The following TBC1D19 variants were observed in gnomAD, a reference collection of about 807,000 sequenced individuals.
TBC1D19 encodes TBC1 domain family, member 19.
TBC1D19 carries 60 observed loss-of-function variants against 89.0 expected under a neutral mutation model. The ratio of observed to expected loss-of-function variants is 0.67; its 90% CI spans 0.55 to 0.84. The LOEUF (loss-of-function observed/expected upper bound fraction) is 0.84, where lower values mean the gene tolerates loss of function less well. Among genes scored for constraint, TBC1D19 ranks in the 40% least tolerant of loss-of-function variants. TBC1D19 has a pLI of 0.00. For missense variants in TBC1D19, 500 were observed against 610.8 expected (o/e 0.82, Z 1.91); for synonymous variants, 189 against 199.7 (o/e 0.95, Z 0.45).
intron 1 of TBC1D19, among the ~76,000 whole-genome samples, chr4:26,604,449 G>A (rs1740846809): frequency 1.3e-5 from 2 of 151,730 alleles, no homozygotes; most frequent in Admixed American, 1.3e-4. Flanking sequence ...ATCGCGCCCG[G>A]CCAGAATTTT....
chr4:26,761,308 A>G, the TBC1D19 span, among the ~76,000 whole-genome samples: 1 of 152,306 alleles, frequency 6.6e-6, no homozygotes, highest in Non-Finnish European at 1.5e-5. Context: ...GATATCATTA[A>G]CAATGTTGAG....
intron 7 of TBC1D19, among the ~76,000 whole-genome samples, chr4:26,640,629 GT>G (rs914224459): frequency 6.6e-6 from 1 of 152,178 alleles, no homozygotes; most frequent in African/African-American, 2.4e-5. Flanking sequence ...AGGGCAAGGG[GT>G]TGGGGGATTT....
chr4:26,802,951 T>C, the TBC1D19 span, among the ~76,000 whole-genome samples: 3 of 152,216 alleles, frequency 2.0e-5, no homozygotes, highest in Admixed American at 6.5e-5. Context: ...TGTATCCTCA[T>C]GCGGTGGAGG....
chr4:26,588,286 A>T (rs977674833), intron 1 of TBC1D19, among the ~76,000 whole-genome samples: 2 of 152,016 alleles, frequency 1.3e-5, no homozygotes, highest in Non-Finnish European at 2.9e-5. Context: ...TGGCCTCCTA[A>T]AGGGCTGGGA....
intron 13 of TBC1D19, among the ~76,000 whole-genome samples, chr4:26,708,672 C>G (rs1014213138): frequency 6.6e-6 from 1 of 151,880 alleles, no homozygotes; most frequent in Non-Finnish European, 1.5e-5. Flanking sequence ...TTTTTCCTTT[C>G]TGTTTCACAG....
the TBC1D19 span, among the ~76,000 whole-genome samples, chr4:26,793,710 G>A: frequency 7.0e-6 from 1 of 143,316 alleles, no homozygotes; most frequent in African/African-American, 2.6e-5. Context: ...GAGACAGAGT[G>A]GGACTTCGTC....
At chr4:26,818,557 C>T in the TBC1D19 span, among the ~76,000 whole-genome samples, 1 of 151,958 alleles carries the variant, frequency 6.6e-6, no homozygotes, top group African/African-American at 2.4e-5. Context: ...CGGCTGGCCT[C>T]AATGTAAAAT....
At position 26,744,384 on chromosome 4, in the gene TBC1D19, T is replaced by C. The variant is rs552697279; in HGVS notation, c.1319+1785T>C. Among the ~76,000 whole-genome samples the C allele has an allele frequency of 5.3e-5, 8 of 151,726 alleles. No homozygotes were observed. In the East Asian group the frequency reaches 1.5e-3, roughly 29 times the overall value. On this transcript the variant is annotated intron_variant, in intron 18 of 20. Transcript: ENST00000264866. ...TTTTCTACTTTAATTTTATTTATTT[T>C]TACTCTTATATTTATTATTTTCTTC... is the stretch of plus-strand genomic sequence containing the variant.
At chr4:26,692,578 G>T (rs536430618) in intron 13 of TBC1D19, among the ~76,000 whole-genome samples, 29 of 152,342 alleles carry the variant, frequency 1.9e-4, no homozygotes, top group Non-Finnish European at 8.8e-5. Context: ...TTTAACAACA[G>T]TAACTCTGAA....
At chr4:26,765,620 G>A in the TBC1D19 span, among the ~76,000 whole-genome samples, 2 of 152,152 alleles carry the variant, frequency 1.3e-5, no homozygotes, top group African/African-American at 2.4e-5. Flanking sequence ...AGAGGTGACT[G>A]AGCAATAAAC....
chr4:26,625,593 A>G (rs1457982075), intron 4 of TBC1D19, among the ~76,000 whole-genome samples: 3 of 152,154 alleles, frequency 2.0e-5, no homozygotes, highest in African/African-American at 7.2e-5. Flanking sequence ...CTCATCCAGG[A>G]CACTACATTA....
intron 1 of TBC1D19, among the ~76,000 whole-genome samples, chr4:26,610,974 T>C (rs546462545): frequency 2.6e-5 from 4 of 152,272 alleles, no homozygotes; most frequent in Non-Finnish European, 4.4e-5. Context: ...GTAATTGGGA[T>C]TGCTGGGTCA....
At chr4:26,734,999 T>C (rs1325607503) in intron 15 of TBC1D19, among the ~76,000 whole-genome samples, 1 of 139,384 alleles carries the variant, frequency 7.2e-6, no homozygotes, top group Non-Finnish European at 1.6e-5. Context: ...TATATATGTA[T>C]ACACATATGT....
the TBC1D19 span, among the ~76,000 whole-genome samples, chr4:26,810,321 G>A: frequency 6.7e-6 from 1 of 149,682 alleles, no homozygotes; most frequent in African/African-American, 2.6e-5. Flanking sequence ...TCTCAGAATC[G>A]CTTCTGTGGG....
intron 17 of TBC1D19, among the ~76,000 whole-genome samples, 197 bp from the exon 18 acceptor site, chr4:26,742,311 A>G (rs1718419467): frequency 6.6e-6 from 1 of 152,216 alleles, no homozygotes; most frequent in African/African-American, 2.4e-5. Context: ...ATGTGTGAGT[A>G]TATATAAAGA....
At chr4:26,739,841 A>G in intron 16 of TBC1D19, 23 bp from the exon 17 acceptor site, 3 of 1,381,060 alleles carry the variant, frequency 2.2e-6, no homozygotes, top group Non-Finnish European at 3.0e-6. Context: ...CTGCAGTATT[A>G]TAAATTAATT....
downstream of TBC1D19, among the ~76,000 whole-genome samples, chr4:26,756,341 G>C (rs1007012411): frequency 2.6e-5 from 4 of 152,218 alleles, no homozygotes; most frequent in African/African-American, 9.6e-5. Flanking sequence ...ATTAGGAAGA[G>C]AGTGAGTTTT....
chr4:26,593,283 C>T (rs1430763109), intron 1 of TBC1D19, among the ~76,000 whole-genome samples: 1 of 152,100 alleles, frequency 6.6e-6, no homozygotes. Flanking sequence ...ACTGGCTAGC[C>T]ATATGTAGAA....
intron 11 of TBC1D19, 61 bp downstream of exon 11, chr4:26,673,949 A>G: frequency 9.9e-7 from 1 of 1,009,574 alleles, no homozygotes; most frequent in Non-Finnish European, 1.4e-6. Context: ...TTCAAAGACC[A>G]GTTATTCAAA....
Sources: gnomAD v4.1 joint callset for allele counts (sites outside exome capture counted in the v4.1 genomes callset) on GRCh38, gnomAD v4.1.1 for gene constraint, MANE v1.5 for transcripts, NCBI Gene and HGNC (gene_info 2026-07-23, HGNC 2026-07-21) for gene names.